Variants in MYO1E observed in about 807,000 individuals in gnomAD.
The protein encoded by MYO1E is unconventional myosin-Ie.
A neutral mutation model predicts 151.1 loss-of-function variants in MYO1E; 68 were observed. That is an observed-to-expected ratio of 0.45 (90% CI 0.37 to 0.55). MYO1E has a LOEUF of 0.55. MYO1E is among the 20% of genes least tolerant of loss of function. The probability of loss-of-function intolerance (pLI) is 0.00; values close to 1 mark genes in which losing one functional copy is unlikely to be tolerated. For synonymous variants in MYO1E, 601 were observed against 501.7 expected (o/e 1.20, Z -2.64); for missense variants, 1,363 against 1,389.3 (o/e 0.98, Z 0.30).
chr15:59,314,913 G>A (rs571245748), intron 1 of MYO1E, among the ~76,000 whole-genome samples: 4 of 152,254 alleles, frequency 2.6e-5, no homozygotes, highest in South Asian at 4.2e-4. Context: ...CACAGGCGGG[G>A]TGGCAGGAGG....
At chr15:59,259,431 C>G (rs1258058372) in intron 3 of MYO1E, among the ~76,000 whole-genome samples, 2 of 152,094 alleles carry the variant, frequency 1.3e-5, no homozygotes, top group African/African-American at 2.4e-5. Flanking sequence ...ACAATGGACT[C>G]TCATAATTTT....
chr15:59,214,755 T>C (rs1158607649), intron 10 of MYO1E, 35 bp from the exon 11 acceptor site: 1 of 1,534,202 alleles, frequency 6.5e-7, no homozygotes, highest in Non-Finnish European at 9.0e-7. Context: ...GTGAACTCCT[T>C]TCCATTCATA....
At chr15:59,196,985 A>ATTT (rs1566976061) in intron 16 of MYO1E, among the ~76,000 whole-genome samples, 1 of 34,300 alleles carries the variant, frequency 2.9e-5, no homozygotes, top group Non-Finnish European at 7.8e-5. Context: ...TTTAATTACG[A>ATTT]CTTTTTTTTT....
chr15:59,260,223 G>A (rs1308079515), intron 3 of MYO1E, among the ~76,000 whole-genome samples: 1 of 152,338 alleles, frequency 6.6e-6, no homozygotes, highest in Middle Eastern at 3.4e-3. Context: ...CTGTCATTGA[G>A]GACGCCAAGC....
At chr15:59,342,833 C>A (rs1305116526) in intron 1 of MYO1E, among the ~76,000 whole-genome samples, 2 of 152,048 alleles carry the variant, frequency 1.3e-5, no homozygotes. Context: ...CATCTTATAA[C>A]CCATTATTTT....
At chr15:59,272,160 T>A in intron 2 of MYO1E, 146 bp downstream of exon 2, 2 of 848,314 alleles carry the variant, frequency 2.4e-6, no homozygotes, top group South Asian at 2.8e-5. Context: ...CTCCCTGTGT[T>A]GCCAGGATGG....
Position 59,133,695 on chromosome 15 carries a change from A to G in MYO1E, c.*3685T>C, listed in dbSNP as rs1160618332. 1.3e-5 allele frequency: 2 copies of G among 152,198 alleles called. No individual in the cohort carries two copies. Among genetic ancestry groups the G allele is most frequent in the African/African-American group, 4.8e-5 (2 of 41,452 alleles). 9.4% of individuals were successfully genotyped at this position (152,198 alleles called of 1,614,324 possible). A position where few individuals can be genotyped will look rare whatever the true frequency, so the allele number is the denominator to read the frequency against. On this transcript the variant is annotated 3_prime_UTR_variant, in exon 28 of 28. Transcript: ENST00000288235. ...CACAAAAGTGAGGGGTGCCAGAAAC[A>G]CAGAGTTAAATTGTCTACCAAAGAC...
chr15:59,149,157 C>A, intron 26 of MYO1E, among the ~76,000 whole-genome samples: 1 of 150,470 alleles, frequency 6.6e-6, no homozygotes, highest in East Asian at 2.0e-4. Context: ...CCTGGGTTCA[C>A]GCCATTCTCC....
At chr15:59,247,747 G>T (rs2080138821) in intron 4 of MYO1E, among the ~76,000 whole-genome samples, 1 of 152,178 alleles carries the variant, frequency 6.6e-6, no homozygotes, top group Non-Finnish European at 1.5e-5. Flanking sequence ...AATCTCTGGA[G>T]GTGGAGCCTA....
chr15:59,296,843 T>C (rs966429448), intron 1 of MYO1E, among the ~76,000 whole-genome samples: 31 of 147,438 alleles, frequency 2.1e-4, no homozygotes, highest in Non-Finnish European at 3.5e-4. Flanking sequence ...TTTTTTCTTT[T>C]TTTTTTTTTT....
chr15:59,166,118 G>T (rs891312829), intron 22 of MYO1E, among the ~76,000 whole-genome samples: 1 of 152,212 alleles, frequency 6.6e-6, no homozygotes, highest in Non-Finnish European at 1.5e-5. Context: ...GAAGAGATGT[G>T]TTTGGACACT....
chr15:59,340,663 A>ACTT (rs1254846858), intron 1 of MYO1E, among the ~76,000 whole-genome samples: 1 of 152,218 alleles, frequency 6.6e-6, no homozygotes, highest in East Asian at 1.9e-4. Context: ...TGGACATTTA[A>ACTT]TGTCCAAAGT....
intron 1 of MYO1E, among the ~76,000 whole-genome samples, chr15:59,297,437 A>ATTTT (rs755470049): frequency 2.4e-4 from 15 of 63,488 alleles, no homozygotes; most frequent in African/African-American, 4.8e-4. Flanking sequence ...CACCCAGCTA[A>ATTTT]TTTTTTTTTT....
intron 26 of MYO1E, among the ~76,000 whole-genome samples, chr15:59,141,209 A>G (rs1331805846): frequency 2.0e-5 from 3 of 152,124 alleles, no homozygotes; most frequent in Non-Finnish European, 2.9e-5. Flanking sequence ...AGTCCACAGA[A>G]CTGGGCTACA....
chr15:59,288,398 A>T (rs758556764), intron 1 of MYO1E, among the ~76,000 whole-genome samples: 8 of 152,084 alleles, frequency 5.3e-5, no homozygotes, highest in Admixed American at 1.3e-4. Context: ...GATGGTCTCG[A>T]ACTCCTGGGT....
rs2080609845 is a variant in MYO1E at position 59,319,318 on chromosome 15, G to GA, written c.4-46870dup. 2.6e-5 allele frequency among the ~76,000 whole-genome samples: 4 copies of GA among 151,460 alleles called. No individual in the cohort carries two copies. In the South Asian group the frequency reaches 6.2e-4, roughly 24 times the overall value. On this transcript the variant is annotated intron_variant, in intron 1 of 27. Coordinates refer to ENST00000288235, the MANE Select transcript of MYO1E (RefSeq NM_004998.4). ...AGAGCAAGTCTCCATCTGAAAAAACGAAAAAAAGAAAATTTAGTTCAAACA... is the reference window on the plus strand; with the variant it reads ...AGAGCAAGTCTCCATCTGAAAAAACGAAAAAAAAGAAAATTTAGTTCAAACA...
chr15:59,304,464 C>G (rs1447220450), intron 1 of MYO1E, among the ~76,000 whole-genome samples: 2 of 152,194 alleles, frequency 1.3e-5, no homozygotes, highest in Non-Finnish European at 2.9e-5. Context: ...TAGAATTTCC[C>G]TTTAGACCTC....
chr15:59,261,320 A>G (rs532448755), intron 3 of MYO1E, 100 bp downstream of exon 3: 54 of 670,468 alleles, frequency 8.1e-5, no homozygotes, highest in Admixed American at 1.8e-4. Context: ...TAAAAAATTC[A>G]TAATAGAAAA....
At chr15:59,199,845 C>T (rs1170386151) in intron 16 of MYO1E, among the ~76,000 whole-genome samples, 1 of 152,156 alleles carries the variant, frequency 6.6e-6, no homozygotes, top group African/African-American at 2.4e-5. Flanking sequence ...AGATATGGAA[C>T]GTATCAGCGA....
Sources: allele counts gnomAD v4.1 joint callset (sites outside exome capture counted in the v4.1 genomes callset), GRCh38; gene constraint gnomAD v4.1.1; transcripts MANE v1.5; gene names NCBI Gene and HGNC (gene_info 2026-07-23, HGNC 2026-07-21).